GNG8: variants seen among roughly 807,000 people sequenced by gnomAD.
GNG8 encodes guanine nucleotide-binding protein G(I)/G(S)/G(O) subunit gamma-8.
In GNG8, 3 loss-of-function variants were observed where a neutral mutation model predicts 4.6. That is an observed-to-expected ratio of 0.65 (90% CI 0.29 to 1.67). The LOEUF (loss-of-function observed/expected upper bound fraction) is 1.67, where lower values mean the gene tolerates loss of function less well. Among genes scored for constraint, GNG8 ranks in the 40% most tolerant of loss-of-function variants. The probability of loss-of-function intolerance (pLI) is 0.10; values close to 1 mark genes in which losing one functional copy is unlikely to be tolerated. For missense variants in GNG8, 88 were observed against 95.2 expected (o/e 0.92, Z 0.32); for synonymous variants, 32 against 40.5 (o/e 0.79, Z 0.80).
intron 1 of GNG8, among the ~76,000 whole-genome samples, chr19:46,634,995 G>C (rs538972192): frequency 7.2e-5 from 11 of 152,050 alleles, no homozygotes; most frequent in Non-Finnish European, 1.6e-4. Flanking sequence ...AGGGCCACAG[G>C]TGCTGGATCA....
chr19:46,635,312 C>T (rs552584268), intron 1 of GNG8, among the ~76,000 whole-genome samples: 4 of 150,308 alleles, frequency 2.7e-5, no homozygotes, highest in African/African-American at 9.8e-5. Flanking sequence ...CAACGGGACG[C>T]GCAGAGGCAG....
rs764933228 is a variant in GNG8, at chr19:46,634,216, C to T, written c.85-12G>A. Reference sequence around the variant, plus strand: ...GCTGCCTGCGACACCTGCGAGCACCCGGGTGGAGATGTCACCGCCCTGCCC... The same window carrying T: ...GCTGCCTGCGACACCTGCGAGCACCTGGGTGGAGATGTCACCGCCCTGCCC... On this transcript the variant is annotated splice_polypyrimidine_tract_variant and intron_variant, in intron 2 of 2. Transcript: ENST00000693335. 1.3e-6 allele frequency: 2 copies of T among 1,597,488 alleles called. No individual in the cohort carries two copies. Among genetic ancestry groups the T allele is most frequent in the Admixed American group, 1.7e-5 (1 of 58,606 alleles).
upstream of GNG8, chr19:46,637,223 C>A (rs1422601744): frequency 6.6e-6 from 1 of 152,246 alleles, no homozygotes; most frequent in Non-Finnish European, 1.5e-5. Context: ...CATAGTAACA[C>A]CCAGTCGCCT....
chr19:46,634,104 T>C lies in GNG8; in HGVS notation c.185A>G (p.Asp62Gly), dbSNP rs1438387392. The change falls in exon 3 of 3, where the codon GAC (aspartate) becomes GGC (glycine). Residue 62 changes from aspartate (D) to glycine (G), a missense_variant. By Grantham distance (94) the Asp-to-Gly change is moderately conservative (BLOSUM62 -1). Coordinates refer to ENST00000693335, the MANE Select transcript of GNG8 (RefSeq NM_033258.2). ...GAGCAGAACACAAAAGAGGCGCTTGTCGCGGAAGGGGTTCTCCGCGGCGGG... is the reference window on the plus strand; with the variant it reads ...GAGCAGAACACAAAAGAGGCGCTTGCCGCGGAAGGGGTTCTCCGCGGCGGG... The part of the protein sequence containing the change: ...PVPAAENPFR[D>G]KRLFCVLL 9 of 1,613,756 alleles carry C rather than the reference T, an allele frequency of 5.6e-6. No homozygotes were observed. Among genetic ancestry groups the C allele is most frequent in the Non-Finnish European group, 7.6e-6 (9 of 1,179,938 alleles).
In GNG8 at chr19:46,634,223, AG is replaced by A; in HGVS notation, c.85-20del. 1 of 1,594,180 alleles carries A rather than the reference AG, an allele frequency of 6.3e-7. No individual in the cohort carries two copies. Among genetic ancestry groups the A allele is most frequent in the Non-Finnish European group, 8.5e-7 (1 of 1,170,744 alleles). ...GCGACACCTGCGAGCACCCGGGTGG[AG>A]ATGTCACCGCCCTGCCCGGCTCCTT... On this transcript the variant is annotated intron_variant, in intron 2 of 2. Transcript: ENST00000693335.
At chr19:46,635,005 A>G (rs557277569) in intron 1 of GNG8, among the ~76,000 whole-genome samples, 138 of 152,178 alleles carry the variant, frequency 9.1e-4, no homozygotes, top group Non-Finnish European at 1.7e-3. Context: ...GTGCTGGATC[A>G]GAATCCAGGT....
chr19:46,634,075 C>T lies in GNG8; in HGVS notation c.*1G>A, dbSNP rs1255088531. 8 of 1,612,620 alleles carry T rather than the reference C, an allele frequency of 5.0e-6. No individual in the cohort carries two copies. Among genetic ancestry groups the T allele is most frequent in the Non-Finnish European group, 6.8e-6 (8 of 1,179,310 alleles). On this transcript the variant is annotated 3_prime_UTR_variant, in exon 3 of 3. Coordinates refer to ENST00000693335, the MANE Select transcript of GNG8 (RefSeq NM_033258.2). ...AGGGGAGGGTAAGCTGTCCGGAGGGCTCAGAGCAGAACACAAAAGAGGCGC... is the reference window on the plus strand; with the variant it reads ...AGGGGAGGGTAAGCTGTCCGGAGGGTTCAGAGCAGAACACAAAAGAGGCGC...
chr19:46,635,986 A>G lies in GNG8; in HGVS notation c.-44+161T>C, dbSNP rs112660222. On this transcript the variant is annotated intron_variant, in intron 1 of 2. Transcript: ENST00000693335. Reference sequence around the variant, plus strand: ...GGGTTGGGGAGAGATGGAAACAGAAAGTGGGAGAGAGGAACAAGGCGAGAG... The same window carrying G: ...GGGTTGGGGAGAGATGGAAACAGAAGGTGGGAGAGAGGAACAAGGCGAGAG... 7.3e-3 allele frequency among the ~76,000 whole-genome samples: 1,104 copies of G among 152,042 alleles called. 9 individuals carry two copies. The highest frequency in any genetic ancestry group is 0.025 in the African/African-American group (1,046 of 41,454).
chr19:46,634,308 C>G, intron 2 of GNG8, 104 bp from the exon 3 acceptor site: 1 of 1,320,576 alleles, frequency 7.6e-7, no homozygotes, highest in Non-Finnish European at 1.0e-6. Context: ...CTTGCCCCGC[C>G]CCATACAGGC....
rs1261034463 is a variant in GNG8 at position 46,634,186 on chromosome 19, C to G, written c.103G>C (p.Glu35Gln). ...DRMKVSQAAA[E>Q]LLAFCETHAK... ...TGCGTCTCGCAGAAAGCCAGGAGTT[C>G]CGCTGCTGCCTGCGACACCTGCGAG... The change falls in exon 3 of 3, where the codon GAA (glutamate) becomes CAA (glutamine). Residue 35 changes from glutamate to glutamine, a missense_variant. By Grantham distance (29) the Glu-to-Gln change is conservative. Coordinates refer to ENST00000693335, the MANE Select transcript of GNG8 (RefSeq NM_033258.2). The G allele has an allele frequency of 6.2e-7, 1 of 1,612,226 alleles. No homozygotes were observed. The highest frequency in any genetic ancestry group is 8.5e-7 in the Non-Finnish European group (1 of 1,179,500).
At position 46,634,697 on chromosome 19, in the gene GNG8, A is replaced by G. The variant is rs766246080; in HGVS notation, c.-15T>C. ...TTGTTGGACATGGTTGCGGCGGGGA[A>G]GGGGTTAAAAGACGCGCGGGAGTGG... On this transcript the variant is annotated 5_prime_UTR_variant, in exon 2 of 3. Coordinates refer to ENST00000693335, the MANE Select transcript of GNG8 (RefSeq NM_033258.2). The G allele has an allele frequency of 1.2e-6, 2 of 1,609,356 alleles. No individual in the cohort carries two copies. Among genetic ancestry groups the G allele is most frequent in the South Asian group, 2.2e-5 (2 of 90,956 alleles).
upstream of GNG8, among the ~76,000 whole-genome samples, chr19:46,636,263 T>C (rs1024506941): frequency 2.1e-5 from 2 of 94,154 alleles, no homozygotes; most frequent in Non-Finnish European, 4.4e-5. Context: ...ACCCGCCTCC[T>C]CCCGGAGCCA....
At chr19:46,635,223 C>T (rs1474651877) in intron 1 of GNG8, among the ~76,000 whole-genome samples, 1 of 151,832 alleles carries the variant, frequency 6.6e-6, no homozygotes, top group Non-Finnish European at 1.5e-5. Context: ...GCCTCCTCTG[C>T]TCATTAGCAG....
Position 46,634,026 on chromosome 19 carries a change from A to G in GNG8, c.*50T>C. ...AGCACAGGCACCACCACAGTTACCA[A>G]GTTTATTGGATCCATACTTTGGCAG... On this transcript the variant is annotated 3_prime_UTR_variant, in exon 3 of 3. Coordinates refer to ENST00000693335, the MANE Select transcript of GNG8 (RefSeq NM_033258.2). 6.4e-7 allele frequency: 1 copy of G among 1,570,786 alleles called. No individual in the cohort carries two copies. The highest frequency in any genetic ancestry group is 8.7e-7 in the Non-Finnish European group (1 of 1,154,816).
chr19:46,638,709 G>T (rs1325578872), upstream of GNG8: 1 of 152,614 alleles, frequency 6.6e-6, no homozygotes, highest in Non-Finnish European at 1.5e-5. The surrounding 1 kb of genome is among the most constrained non-coding windows in gnomAD (Gnocchi z 4.7). Context: ...CTCACACGCA[G>T]CGTCTGCCGG....
rs534824142 is a variant in GNG8, at chr19:46,634,214, C to G, written c.85-10G>C. The G allele has an allele frequency of 7.5e-6, 12 of 1,598,952 alleles. No homozygotes were observed. In the Admixed American group the frequency reaches 1.2e-4, roughly 16 times the overall value. The stretch of plus-strand genomic sequence containing the variant: ...CTGCTGCCTGCGACACCTGCGAGCA[C>G]CCGGGTGGAGATGTCACCGCCCTGC... On this transcript the variant is annotated splice_polypyrimidine_tract_variant and intron_variant, in intron 2 of 2. Coordinates refer to ENST00000693335, the MANE Select transcript of GNG8 (RefSeq NM_033258.2).
At chr19:46,637,793 AG>A, upstream of GNG8, 1 of 104,660 alleles carries the variant, frequency 9.6e-6, no homozygotes, top group African/African-American at 3.8e-5. Flanking sequence ...GGGTGGGGGG[AG>A]GGGTCTCCCT....
rs117343991 is a variant in GNG8, at chr19:46,635,273, A to G, written c.-43-548T>C. Among the ~76,000 whole-genome samples the G allele has an allele frequency of 4.7e-3, 719 of 151,600 alleles. 19 individuals carry two copies. Among genetic ancestry groups the G allele is most frequent in the East Asian group, 0.041 (207 of 5,022 alleles). ...TGGGGGAGCCCAACTCGGGCACCTG[A>G]GGAGAGGCCTATCGGATGGACAGAG... is the stretch of plus-strand genomic sequence containing the variant. On this transcript the variant is annotated intron_variant, in intron 1 of 2. Coordinates refer to ENST00000693335, the MANE Select transcript of GNG8 (RefSeq NM_033258.2).
Position 46,634,713 on chromosome 19 carries a change from G to A in GNG8, c.-31C>T, listed in dbSNP as rs755613982. On this transcript the variant is annotated 5_prime_UTR_variant, in exon 2 of 3. Coordinates refer to ENST00000693335, the MANE Select transcript of GNG8 (RefSeq NM_033258.2). ...CGGCGGGGAAGGGGTTAAAAGACGCGCGGGAGTGGGGGCTGTGGGGGTAGG... is the reference window on the plus strand; with the variant it reads ...CGGCGGGGAAGGGGTTAAAAGACGCACGGGAGTGGGGGCTGTGGGGGTAGG... 1 of 1,583,762 alleles carries A rather than the reference G, an allele frequency of 6.3e-7. No individual in the cohort carries two copies.
Sources: gnomAD v4.1 joint callset for allele counts (sites outside exome capture counted in the v4.1 genomes callset) on GRCh38, gnomAD v4.1.1 for gene constraint, Gnocchi (gnomAD v3.1) non-coding constraint, MANE v1.5 for transcripts, NCBI Gene and HGNC (gene_info 2026-07-23, HGNC 2026-07-21) for gene names.